Variants in HYAL4 observed in about 807,000 individuals in gnomAD.
HYAL4 encodes hyaluronidase 4.
Under a neutral mutation model 35.2 loss-of-function variants are expected in HYAL4, and 37 were observed. The observed-to-expected ratio is 1.05, with a 90% CI of 0.81 to 1.38. The LOEUF (loss-of-function observed/expected upper bound fraction) is 1.38. Among genes scored for constraint, HYAL4 ranks in the 40% most tolerant of loss-of-function variants. The pLI is 0.00. For missense variants in HYAL4, 572 were observed against 572.4 expected (o/e 1.00, Z 0.01); for synonymous variants, 198 against 203.2 (o/e 0.97, Z 0.22).
chr7:123,812,401 T>G, the HYAL4 span, among the ~76,000 whole-genome samples: 1 of 152,188 alleles, frequency 6.6e-6, no homozygotes, highest in Admixed American at 6.5e-5. Context: ...TAAAAATGCA[T>G]ACCATTATAA....
Position 123,868,203 on chromosome 7 carries a change from A to T in HYAL4, c.-51-20A>T. Reference sequence around the variant, plus strand: ...TTTTCCTCAAAACTATGACTAACAGAAAATTAAATCTCTCCACAGGTCTTC... The same window carrying T: ...TTTTCCTCAAAACTATGACTAACAGTAAATTAAATCTCTCCACAGGTCTTC... On this transcript the variant is annotated intron_variant, in intron 2 of 4. Transcript: ENST00000223026. 1 of 706,668 alleles carries T rather than the reference A, an allele frequency of 1.4e-6. No homozygotes were observed. Among genetic ancestry groups the T allele is most frequent in the Non-Finnish European group, 2.2e-6 (1 of 452,300 alleles). The allele number at this position is 706,668 out of a possible 1,614,324, so 43.8% of individuals were successfully genotyped here.
In HYAL4 at chr7:123,868,989, A is replaced by G; in HGVS notation, c.716A>G (p.Glu239Gly). The G allele has an allele frequency of 6.2e-7, 1 of 1,613,856 alleles. No homozygotes were observed. ...CCAAACTACTCTGGGTCATGCCCAG[A>G]AGACGAAGTCTTGAGGAACAATGAG... is the stretch of plus-strand genomic sequence containing the variant. ...YAPNYSGSCP[E>G]DEVLRNNELS... The change falls in exon 3 of 5, where the codon GAA (glutamate) becomes GGA (glycine). Residue 239 changes from glutamate to glycine, a missense_variant. Physicochemically the swap from Glu to Gly is moderately conservative, Grantham distance 98. Transcript: ENST00000223026.
chr7:123,801,284 AT>A, the HYAL4 span, among the ~76,000 whole-genome samples: 1 of 152,206 alleles, frequency 6.6e-6, no homozygotes, highest in Admixed American at 6.5e-5. Context: ...CTTTTTAAAA[AT>A]GATTGTCTTT....
the HYAL4 span, among the ~76,000 whole-genome samples, chr7:123,817,790 C>T: frequency 1.3e-5 from 2 of 151,372 alleles, no homozygotes; most frequent in Non-Finnish European, 2.9e-5. Flanking sequence ...GATTACCCAT[C>T]TTCCAATGCA....
At chr7:123,847,593 C>T (rs565657127) in intron 1 of HYAL4, among the ~76,000 whole-genome samples, 59 of 152,138 alleles carry the variant, frequency 3.9e-4, no homozygotes, top group African/African-American at 1.4e-3. Context: ...CTGGCTAACA[C>T]GGTGAAACCC....
At chr7:123,872,250 C>T (rs4731125) in intron 3 of HYAL4, among the ~76,000 whole-genome samples, 20,278 of 152,162 alleles carry the variant, frequency 0.13, 1,634 homozygotes, top group Non-Finnish European at 0.18. Flanking sequence ...TCAGTAAAAA[C>T]GTGATATTTT....
At chr7:123,806,497 G>A in the HYAL4 span, among the ~76,000 whole-genome samples, 2 of 151,956 alleles carry the variant, frequency 1.3e-5, no homozygotes, top group African/African-American at 2.4e-5. Flanking sequence ...AGCCTGGAGT[G>A]CAATGGTGGG....
At chr7:123,855,724 C>T (rs1275236428) in intron 2 of HYAL4, among the ~76,000 whole-genome samples, 1 of 152,014 alleles carries the variant, frequency 6.6e-6, no homozygotes. Flanking sequence ...TTCTGTATTT[C>T]CTGAATTTGA....
At chr7:123,794,413 G>A in the HYAL4 span, among the ~76,000 whole-genome samples, 3 of 152,162 alleles carry the variant, frequency 2.0e-5, no homozygotes, top group African/African-American at 7.2e-5. Context: ...AGGGCATGTC[G>A]AGACCTTTGT....
At chr7:123,778,783 C>G in the HYAL4 span, among the ~76,000 whole-genome samples, 1 of 152,120 alleles carries the variant, frequency 6.6e-6, no homozygotes, top group East Asian at 1.9e-4. Context: ...AGTAGAGAGA[C>G]ACTTTGACAA....
the HYAL4 span, among the ~76,000 whole-genome samples, chr7:123,811,896 C>T: frequency 3.7e-4 from 56 of 152,038 alleles, no homozygotes; most frequent in African/African-American, 1.2e-3. Context: ...GGCTGGAGTG[C>T]GGTGGCACAA....
the HYAL4 span, among the ~76,000 whole-genome samples, chr7:123,818,502 C>A: frequency 6.6e-6 from 1 of 152,098 alleles, no homozygotes; most frequent in African/African-American, 2.4e-5. Flanking sequence ...TTAAGCACTT[C>A]TAATTTATAT....
the HYAL4 span, among the ~76,000 whole-genome samples, chr7:123,788,308 T>C: frequency 1.7e-4 from 26 of 152,226 alleles, no homozygotes; most frequent in Admixed American, 1.6e-3. Flanking sequence ...ACTGAATGTA[T>C]TGTCAGTTAC....
the HYAL4 span, among the ~76,000 whole-genome samples, chr7:123,770,890 T>C: frequency 6.6e-6 from 1 of 152,148 alleles, no homozygotes; most frequent in African/African-American, 2.4e-5. Flanking sequence ...AAAAAGAAGA[T>C]ATGAATTAGA....
At chr7:123,809,050 A>T in the HYAL4 span, among the ~76,000 whole-genome samples, 1 of 152,184 alleles carries the variant, frequency 6.6e-6, no homozygotes, top group Non-Finnish European at 1.5e-5. Flanking sequence ...GGAGGATATA[A>T]TTGGAACTGA....
the HYAL4 span, among the ~76,000 whole-genome samples, chr7:123,796,129 A>G: frequency 1.3e-5 from 2 of 152,214 alleles, no homozygotes; most frequent in African/African-American, 4.8e-5. Flanking sequence ...ACTTTTGCCA[A>G]TGCAAAGAAT....
the HYAL4 span, among the ~76,000 whole-genome samples, chr7:123,788,547 C>T: frequency 6.6e-6 from 1 of 152,116 alleles, no homozygotes; most frequent in Non-Finnish European, 1.5e-5. Flanking sequence ...CCTGAGAAGT[C>T]ATTCTATCTC....
At chr7:123,791,479 G>C in the HYAL4 span, among the ~76,000 whole-genome samples, 1 of 152,084 alleles carries the variant, frequency 6.6e-6, no homozygotes, top group African/African-American at 2.4e-5. Flanking sequence ...AACTTATCAG[G>C]GTCAATGATA....
rs1303385001 is a variant in HYAL4 at position 123,876,922 on chromosome 7, T to G, written c.1213T>G (p.Tyr405Asp). ...PSYLHLNPAS[Y>D]HIEASEDGEF... ...TTACCTTCACTTGAACCCTGCAAGTTACCACATAGAGGCCTCTGAGGACGG... is the reference window on the plus strand; with the variant it reads ...TTACCTTCACTTGAACCCTGCAAGTGACCACATAGAGGCCTCTGAGGACGG... Residue 405 changes from tyrosine (Y) to aspartate (D), a missense_variant, in exon 5 of 5, where the codon TAC (tyrosine) becomes GAC (aspartate). Transcript: ENST00000223026. 1 of 1,614,128 alleles carries G rather than the reference T, an allele frequency of 6.2e-7. No individual in the cohort carries two copies. The highest frequency in any genetic ancestry group is 8.5e-7 in the Non-Finnish European group (1 of 1,180,022).
Sources: allele counts gnomAD v4.1 joint callset (sites outside exome capture counted in the v4.1 genomes callset), GRCh38; gene constraint gnomAD v4.1.1; transcripts MANE v1.5; gene names NCBI Gene and HGNC (gene_info 2026-07-23, HGNC 2026-07-21).